Variants in MDFIC2 observed in about 807,000 individuals in gnomAD.
The protein encoded by MDFIC2 is myoD family inhibitor domain-containing protein 2.
intron 2 of MDFIC2, among the ~76,000 whole-genome samples, chr3:70,207,727 G>A (rs1189043811): frequency 6.6e-6 from 1 of 152,064 alleles, no homozygotes; most frequent in African/African-American, 2.4e-5. Context: ...TATTAGGTAT[G>A]ATAAATAATC....
At chr3:70,199,950 A>C (rs2106719116) in intron 3 of MDFIC2, among the ~76,000 whole-genome samples, 1 of 152,270 alleles carries the variant, frequency 6.6e-6, no homozygotes, top group African/African-American at 2.4e-5. Context: ...CTCTCTCCCC[A>C]GTCCTACAAA....
In MDFIC2 at chr3:70,197,048, T is replaced by C. The variant is rs773741870; in HGVS notation, c.448A>G (p.Asn150Asp). Residue 150 changes from asparagine to aspartate, a missense_variant, in exon 4 of 4, where the codon AAC becomes GAC. Coordinates refer to ENST00000567252, the MANE Select transcript of MDFIC2 (RefSeq NM_001364677.1). The part of the protein sequence containing the change: ...SRRYHHTSDE[N>D]HSRNDCSCNC... ...CAGCTGCAATCATTCCGAGAGTGGTTTTCATCCGAGGTGTGGTGATACCGG... is the reference window on the plus strand; with the variant it reads ...CAGCTGCAATCATTCCGAGAGTGGTCTTCATCCGAGGTGTGGTGATACCGG... The C allele has an allele frequency of 5.0e-6, 2 of 398,436 alleles. No homozygotes were observed. The highest frequency in any genetic ancestry group is 8.8e-6 in the Non-Finnish European group (2 of 226,048). The allele number at this position is 398,436 out of a possible 1,614,324, so 24.7% of individuals were successfully genotyped here. A position where few individuals can be genotyped will look rare whatever the true frequency, so the allele number is the denominator to read the frequency against.
chr3:70,275,653 G>A (rs972074847), intron 2 of MDFIC2, among the ~76,000 whole-genome samples: 3 of 152,158 alleles, frequency 2.0e-5, no homozygotes, highest in Admixed American at 6.5e-5. Flanking sequence ...AACCTCCCAC[G>A]CCTCAGCTTC....
intron 2 of MDFIC2, among the ~76,000 whole-genome samples, chr3:70,273,533 G>A (rs1023761980): frequency 3.9e-5 from 6 of 151,920 alleles, no homozygotes; most frequent in African/African-American, 1.5e-4. Context: ...CACCTAATTG[G>A]GAAAAGGTCA....
At chr3:70,211,152 C>A (rs1289663045) in intron 2 of MDFIC2, among the ~76,000 whole-genome samples, 2 of 151,928 alleles carry the variant, frequency 1.3e-5, no homozygotes, top group Non-Finnish European at 1.5e-5. Context: ...CTTGTTTCTT[C>A]CTTTCTTTTC....
At chr3:70,208,824 T>C (rs1701314255) in intron 2 of MDFIC2, among the ~76,000 whole-genome samples, 1 of 152,114 alleles carries the variant, frequency 6.6e-6, no homozygotes, top group Non-Finnish European at 1.5e-5. Flanking sequence ...CAAACAGCCT[T>C]GGTTTTCAAC....
intron 2 of MDFIC2, among the ~76,000 whole-genome samples, chr3:70,274,382 AGTAT>A: frequency 6.6e-6 from 1 of 152,168 alleles, no homozygotes; most frequent in East Asian, 1.9e-4. Flanking sequence ...ATATAGAATG[AGTAT>A]GTGATAGAAA....
intron 2 of MDFIC2, among the ~76,000 whole-genome samples, chr3:70,309,315 G>A (rs1702435167): frequency 6.6e-6 from 1 of 152,064 alleles, no homozygotes. Context: ...TTTGTTGTAG[G>A]TATTAAAAGG....
chr3:70,276,154 T>C (rs1250547757), intron 2 of MDFIC2, among the ~76,000 whole-genome samples: 5 of 152,192 alleles, frequency 3.3e-5, no homozygotes, highest in African/African-American at 9.6e-5. Flanking sequence ...TGAATTCCAA[T>C]GTCTAGAATA....
intron 2 of MDFIC2, among the ~76,000 whole-genome samples, chr3:70,264,430 GA>G (rs1327641082): frequency 6.6e-6 from 1 of 152,290 alleles, no homozygotes; most frequent in African/African-American, 2.4e-5. Flanking sequence ...TCTAAGAACT[GA>G]ATATCGGCTT....
intron 2 of MDFIC2, among the ~76,000 whole-genome samples, chr3:70,289,169 T>A (rs550988988): frequency 2.0e-5 from 3 of 150,820 alleles, no homozygotes; most frequent in Admixed American, 6.6e-5. Context: ...GGTCTTTACA[T>A]TTTGGCATGA....
At chr3:70,295,390 T>A (rs115227239) in intron 2 of MDFIC2, among the ~76,000 whole-genome samples, 1,662 of 152,268 alleles carry the variant, frequency 0.011, 22 homozygotes, top group African/African-American at 0.037. Flanking sequence ...TTTGACTGAA[T>A]TATTCCCAAA....
At chr3:70,258,912 AT>A (rs1002557439) in intron 2 of MDFIC2, among the ~76,000 whole-genome samples, 4 of 151,422 alleles carry the variant, frequency 2.6e-5, no homozygotes, top group Admixed American at 6.6e-5. Flanking sequence ...AATTTCTTTA[AT>A]TTTTTCACAG....
intron 2 of MDFIC2, among the ~76,000 whole-genome samples, chr3:70,256,885 G>A (rs898116377): frequency 6.6e-5 from 10 of 152,274 alleles, no homozygotes; most frequent in Non-Finnish European, 1.5e-4. Flanking sequence ...TCTGTAGATG[G>A]ATGCTTGGGA....
chr3:70,311,762 G>GA (rs1702455545), intron 2 of MDFIC2, 124 bp downstream of exon 2: 1 of 384,500 alleles, frequency 2.6e-6, no homozygotes, highest in Non-Finnish European at 4.6e-6. Flanking sequence ...AGAAAAGAGT[G>GA]AAAATCAGAA....
intron 2 of MDFIC2, among the ~76,000 whole-genome samples, chr3:70,237,080 T>C (rs1420419463): frequency 1.3e-5 from 2 of 152,128 alleles, no homozygotes; most frequent in African/African-American, 2.4e-5. Flanking sequence ...GGTTCCGTAT[T>C]ATCAGTTTGG....
At chr3:70,301,290 A>G (rs958805509) in intron 2 of MDFIC2, among the ~76,000 whole-genome samples, 1 of 152,122 alleles carries the variant, frequency 6.6e-6, no homozygotes, top group Non-Finnish European at 1.5e-5. Context: ...GTAAATCTGC[A>G]TGTAAGGAAT....
chr3:70,267,853 T>G (rs532675243), intron 2 of MDFIC2, among the ~76,000 whole-genome samples: 19 of 152,278 alleles, frequency 1.2e-4, no homozygotes, highest in African/African-American at 4.6e-4. Flanking sequence ...TACTAATATA[T>G]CCAGATAACT....
intron 2 of MDFIC2, among the ~76,000 whole-genome samples, chr3:70,246,200 C>A (rs934022484): frequency 6.6e-6 from 1 of 151,982 alleles, no homozygotes; most frequent in East Asian, 1.9e-4. Flanking sequence ...TGGAATAGTA[C>A]ATCACCATTT....
Sources: gnomAD v4.1 joint callset for allele counts (sites outside exome capture counted in the v4.1 genomes callset) on GRCh38, gnomAD v4.1.1 for gene constraint, MANE v1.5 for transcripts, NCBI Gene and HGNC (gene_info 2026-07-23, HGNC 2026-07-21) for gene names.